The following SFTPA1 variants were observed in gnomAD, a reference collection of about 807,000 sequenced individuals.
The protein encoded by SFTPA1 is surfactant protein A1.
SFTPA1 carries 13 observed loss-of-function variants against 19.1 expected under a neutral mutation model. That is an observed-to-expected ratio of 0.68 (90% confidence interval 0.44 to 1.08). The LOEUF (loss-of-function observed/expected upper bound fraction) is 1.08. Among genes scored for constraint, SFTPA1 ranks in the 50% least tolerant of loss-of-function variants. The pLI is 0.00. For synonymous variants in SFTPA1, 101 were observed against 117.0 expected, an observed-to-expected ratio of 0.86 and a Z score of 0.88; for missense variants, 259 against 316.4, an observed-to-expected ratio of 0.82 and a Z score of 1.38.
In SFTPA1 at chr10:79,612,373, C is replaced by G. The variant is rs377193503; in HGVS notation, c.234C>G (p.Ala78=). Residue 78 remains alanine (A), a synonymous_variant, in exon 4 of 6, where the codon GCC becomes GCG. Transcript: ENST00000398636. The stretch of plus-strand genomic sequence containing the variant: ...CTGGAAATGATGGGCTGCCTGGAGC[C>G]CCTGGTATCCCTGGAGAGTGTGGAG... The part of the protein sequence containing the change: ...CPPGNDGLPG[A]PGIPGECGEK... 3.7e-6 allele frequency: 6 copies of G among 1,613,818 alleles called. No homozygotes were observed. In the African/African-American group the frequency reaches 8.0e-5, roughly 22 times the overall value.
rs775835118 is a variant in SFTPA1, at chr10:79,614,099, A to G, written c.733A>G (p.Ile245Val). The G allele has an allele frequency of 6.8e-6, 11 of 1,614,204 alleles. No homozygotes were observed. Among genetic ancestry groups the G allele is most frequent in the Non-Finnish European group, 4.2e-6 (5 of 1,180,028 alleles). Residue 245 changes from isoleucine to valine, a missense_variant, in exon 6 of 6, where the codon ATC becomes GTC. Coordinates refer to ENST00000398636, the MANE Select transcript of SFTPA1 (RefSeq NM_005411.5). ...GAACTGCCTGTACTCCCGACTGACC[A>G]TCTGTGAGTTCTGAGAGGCATTTAG... ...DRNCLYSRLTICEF is the reference protein window; with the variant it reads ...DRNCLYSRLTVCEF
rs192647495 is a variant in SFTPA1 at position 79,612,755 on chromosome 10, G to T, written c.292+324G>T. Among the ~76,000 whole-genome samples the T allele has an allele frequency of 3.6e-4, 55 of 152,216 alleles. 1 individual carries two copies. The East Asian group carries it at 0.01, about 28-fold the overall frequency. On this transcript the variant is annotated intron_variant, in intron 4 of 5. Coordinates refer to ENST00000398636, the MANE Select transcript of SFTPA1 (RefSeq NM_005411.5). Reference sequence around the variant, plus strand: ...TGGAGGCCCTGGGGGCTGTCTGAAGGGTGAATGCGGACGAGGCATCCAGAC... The same window carrying T: ...TGGAGGCCCTGGGGGCTGTCTGAAGTGTGAATGCGGACGAGGCATCCAGAC...
In SFTPA1 at chr10:79,611,364, T is replaced by C; in HGVS notation, c.-49T>C. 1 of 524,278 alleles carries C rather than the reference T, an allele frequency of 1.9e-6. No individual in the cohort carries two copies. The highest frequency in any genetic ancestry group is 3.4e-6 in the Non-Finnish European group (1 of 294,768). The allele number at this position is 524,278 out of a possible 1,614,324, so 32.5% of individuals were successfully genotyped here. On this transcript the variant is annotated 5_prime_UTR_variant, in exon 2 of 6. An upstream start codon of the reference 5' UTR is lost. Transcript: ENST00000398636. ...TGAAAAGAAAGTAACACAGCAGGGA[T>C]GAGGACAGATGGTGTGAGTCAGTGA...
Position 79,613,778 on chromosome 10 carries a change from G to A in SFTPA1, c.412G>A (p.Val138Ile). The A allele has an allele frequency of 1.2e-6, 2 of 1,613,952 alleles. No homozygotes were observed. The highest frequency in any genetic ancestry group is 1.7e-6 in the Non-Finnish European group (2 of 1,179,852). The change falls in exon 6 of 6, where the codon GTC becomes ATC. Residue 138 changes from valine to isoleucine, a missense_variant. Coordinates refer to ENST00000398636, the MANE Select transcript of SFTPA1 (RefSeq NM_005411.5). ...CTCCATAATGACAGTAGGAGAGAAGGTCTTCTCCAGCAATGGGCAGTCCAT... is the reference window on the plus strand; with the variant it reads ...CTCCATAATGACAGTAGGAGAGAAGATCTTCTCCAGCAATGGGCAGTCCAT... ...QGSIMTVGEK[V>I]FSSNGQSITF...
At position 79,615,117 on chromosome 10, in the gene SFTPA1, A is replaced by G; in HGVS notation, c.*1004A>G. 1 of 1,302,636 alleles carries G rather than the reference A, an allele frequency of 7.7e-7. No individual in the cohort carries two copies. 80.7% of individuals were successfully genotyped at this position (1,302,636 alleles called of 1,614,324 possible). A position where few individuals can be genotyped will look rare whatever the true frequency, so the allele number is the denominator to read the frequency against. On this transcript the variant is annotated 3_prime_UTR_variant, in exon 6 of 6. Transcript: ENST00000398636. ...GTTATTACCATCCCCCCAGCTACCA[A>G]AATTACTACCAGAACTGTTACTATA...
At chr10:79,613,166 T>TC in intron 4 of SFTPA1, 23 bp from the exon 5 acceptor site, 1 of 1,613,618 alleles carries the variant, frequency 6.2e-7, no homozygotes, top group Non-Finnish European at 8.5e-7. Flanking sequence ...TGCCCCTCCT[T>TC]CTGTGTGGGG....
At chr10:79,611,569 T>C in intron 2 of SFTPA1, 180 bp downstream of exon 2, 1 of 1,548,410 alleles carries the variant, frequency 6.5e-7, no homozygotes, top group Non-Finnish European at 8.7e-7. Flanking sequence ...TTACTCTTCC[T>C]CCTCCTCAGC....
chr10:79,611,880 G>T lies in SFTPA1; in HGVS notation c.55G>T (p.Val19Leu), dbSNP rs771636749. The T allele has an allele frequency of 6.2e-7, 1 of 1,614,012 alleles. No homozygotes were observed. Among genetic ancestry groups the T allele is most frequent in the South Asian group, 1.1e-5 (1 of 91,074 alleles). ...CATCTTGATGGCAGCCTCTGGTGCT[G>T]TGTGCGAAGTGAAGGACGTTTGTGT... Reference protein sequence around the residue: ...NLILMAASGAVCEVKDVCVGS... With the variant: ...NLILMAASGALCEVKDVCVGS... Residue 19 changes from valine to leucine, a missense_variant, in exon 3 of 6, where the codon GTG (valine) becomes TTG (leucine). Val to Leu is a conservative substitution (Grantham distance 32). Coordinates refer to ENST00000398636, the MANE Select transcript of SFTPA1 (RefSeq NM_005411.5).
chr10:79,614,864 A>T lies in SFTPA1; in HGVS notation c.*751A>T. ...ACTTTCAACTGATGAACAAATCTGCACCCTACTTCAGATTTCAGTGGGCAT... is the reference window on the plus strand; with the variant it reads ...ACTTTCAACTGATGAACAAATCTGCTCCCTACTTCAGATTTCAGTGGGCAT... On this transcript the variant is annotated 3_prime_UTR_variant, in exon 6 of 6. Transcript: ENST00000398636. 1.5e-6 allele frequency: 1 copy of T among 656,660 alleles called. No individual in the cohort carries two copies. Among genetic ancestry groups the T allele is most frequent in the Non-Finnish European group, 2.3e-6 (1 of 431,084 alleles). 40.7% of individuals were successfully genotyped at this position (656,660 alleles called of 1,614,324 possible). A position where few individuals can be genotyped will look rare whatever the true frequency, so the allele number is the denominator to read the frequency against.
intron 5 of SFTPA1, 35 bp from the exon 6 acceptor site, chr10:79,613,702 G>T: frequency 6.2e-7 from 1 of 1,613,934 alleles, no homozygotes; most frequent in East Asian, 2.2e-5. Flanking sequence ...GAGACAAAGT[G>T]GTCAGTGGCC....
In SFTPA1 at chr10:79,613,276, C is replaced by A. The variant is rs772121383; in HGVS notation, c.370+10C>A. 4 of 1,613,892 alleles carry A rather than the reference C, an allele frequency of 2.5e-6. No homozygotes were observed. Among genetic ancestry groups the A allele is most frequent in the African/African-American group, 2.7e-5 (2 of 74,894 alleles). ...CTGCAGACAAGGGGAGGTAAGGGGA[C>A]CCCCTGGGCCTCACGGGGTAGGAGT... is the stretch of plus-strand genomic sequence containing the variant. On this transcript the variant is annotated intron_variant, in intron 5 of 5. Transcript: ENST00000398636.
At chr10:79,611,640 A>G (rs1377649544) in intron 2 of SFTPA1, 163 bp from the exon 3 acceptor site, 1 of 1,554,556 alleles carries the variant, frequency 6.4e-7, no homozygotes, top group Non-Finnish European at 8.7e-7. Flanking sequence ...GCCAGGTGCC[A>G]GGTGATGCTG....
chr10:79,612,370 A>G lies in SFTPA1; in HGVS notation c.231A>G (p.Gly77=). The G allele has an allele frequency of 6.2e-7, 1 of 1,613,960 alleles. No homozygotes were observed. Among genetic ancestry groups the G allele is most frequent in the Non-Finnish European group, 8.5e-7 (1 of 1,179,942 alleles). The change falls in exon 4 of 6, where the codon GGA becomes GGG. Residue 77 remains glycine, a synonymous_variant. Transcript: ENST00000398636. ...PCPPGNDGLP[G]APGIPGECGE... ...CTCCTGGAAATGATGGGCTGCCTGG[A>G]GCCCCTGGTATCCCTGGAGAGTGTG...
In SFTPA1 at chr10:79,614,261, T is replaced by G; in HGVS notation, c.*148T>G. ...ACTGGAGGCACCCTTAGCCACTTCA[T>G]TCCTCTGATGGGCCCTGACTCTTCC... On this transcript the variant is annotated 3_prime_UTR_variant, in exon 6 of 6. Transcript: ENST00000398636. 1.5e-6 allele frequency: 2 copies of G among 1,294,054 alleles called. No homozygotes were observed. Among genetic ancestry groups the G allele is most frequent in the South Asian group, 2.8e-5 (2 of 72,592 alleles). 80.2% of individuals were successfully genotyped at this position (1,294,054 alleles called of 1,614,324 possible). A position where few individuals can be genotyped will look rare whatever the true frequency, so the allele number is the denominator to read the frequency against.
Position 79,613,943 on chromosome 10 carries a change from C to A in SFTPA1, c.577C>A (p.Pro193Thr). 1 of 1,614,132 alleles carries A rather than the reference C, an allele frequency of 6.2e-7. No homozygotes were observed. The highest frequency in any genetic ancestry group is 8.5e-7 in the Non-Finnish European group (1 of 1,179,964). ...TYAYVGLTEG[P>T]SPGDFRYSDG... ...TGCCTATGTAGGCCTGACTGAGGGT[C>A]CCAGCCCTGGAGACTTCCGCTACTC... The change falls in exon 6 of 6, where the codon CCC becomes ACC. Residue 193 changes from proline to threonine, a missense_variant. By Grantham distance (38) the Pro-to-Thr change is conservative. Coordinates refer to ENST00000398636, the MANE Select transcript of SFTPA1 (RefSeq NM_005411.5).
At chr10:79,612,033 C>T (rs754138525) in intron 3 of SFTPA1, 36 bp downstream of exon 3, 1 of 1,610,156 alleles carries the variant, frequency 6.2e-7, no homozygotes, top group African/African-American at 1.3e-5. Context: ...AGCTGAGGGA[C>T]ACAGACCCCT....
chr10:79,615,406 AGAT>A lies in SFTPA1; in HGVS notation c.*1297_*1299del, dbSNP rs1860101215. The A allele has an allele frequency of 1.7e-5, 3 of 174,960 alleles. No homozygotes were observed. The highest frequency in any genetic ancestry group is 3.8e-5 in the Non-Finnish European group (3 of 79,376). The allele number at this position is 174,960 out of a possible 1,614,324, so 10.8% of individuals were successfully genotyped here. On this transcript the variant is annotated 3_prime_UTR_variant, in exon 6 of 6. Transcript: ENST00000398636. ...GCCACCCCACTCCTGAGCTGAATAAAGATGATTTAAGCTTAATAAATCGTGAAT... is the reference window on the plus strand; with the variant it reads ...GCCACCCCACTCCTGAGCTGAATAAAGATTTAAGCTTAATAAATCGTGAAT...
intron 4 of SFTPA1, among the ~76,000 whole-genome samples, chr10:79,612,724 C>T (rs1859932236): frequency 6.6e-6 from 1 of 152,010 alleles, no homozygotes; most frequent in Non-Finnish European, 1.5e-5. Flanking sequence ...GAGGCATGTC[C>T]TGGGATGGAG....
chr10:79,614,969 C>A lies in SFTPA1; in HGVS notation c.*856C>A. The stretch of plus-strand genomic sequence containing the variant: ...CCCAGATATTTCATTAAAATTATCA[C>A]GTGCCAGGTCTTAGGATATGTCGTG... On this transcript the variant is annotated 3_prime_UTR_variant, in exon 6 of 6. Coordinates refer to ENST00000398636, the MANE Select transcript of SFTPA1 (RefSeq NM_005411.5). 1.5e-6 allele frequency: 2 copies of A among 1,299,258 alleles called. No individual in the cohort carries two copies. The highest frequency in any genetic ancestry group is 2.0e-6 in the Non-Finnish European group (2 of 985,652). 80.5% of individuals were successfully genotyped at this position (1,299,258 alleles called of 1,614,324 possible). A position where few individuals can be genotyped will look rare whatever the true frequency, so the allele number is the denominator to read the frequency against.
Sources: gnomAD v4.1 joint callset for allele counts (sites outside exome capture counted in the v4.1 genomes callset) on GRCh38, gnomAD v4.1.1 for gene constraint, MANE v1.5 for transcripts, NCBI Gene and HGNC (gene_info 2026-07-23, HGNC 2026-07-21) for gene names.